Variants in MYPN observed in about 807,000 individuals in gnomAD.
MYPN encodes the protein myopalladin, also known as sarcomeric protein myopalladin, 145 kDa (MYOP).
In MYPN, 63 loss-of-function variants were observed where a neutral mutation model predicts 129.4. The ratio of observed to expected loss-of-function variants is 0.49; its 90% CI spans 0.40 to 0.60. The LOEUF (loss-of-function observed/expected upper bound fraction) is 0.60. Among genes scored for constraint, MYPN ranks in the 20% least tolerant of loss-of-function variants. The pLI, the probability that MYPN is intolerant of heterozygous loss-of-function variation, is 0.00. For synonymous variants in MYPN, 629 were observed against 600.9 expected, an observed-to-expected ratio of 1.05 and a Z score of -0.68; for missense variants, 1,596 against 1,635.4, an observed-to-expected ratio of 0.98 and a Z score of 0.42.
intron 9 of MYPN, 117 bp from the exon 10 acceptor site, chr10:68,166,177 T>G (rs2043050306): frequency 8.2e-7 from 1 of 1,217,564 alleles, no homozygotes; most frequent in Admixed American, 1.7e-5. Context: ...GATCTGTTTT[T>G]GACAAGCATT....
At chr10:68,137,757 GTT>G (rs963620220) in intron 2 of MYPN, among the ~76,000 whole-genome samples, 2 of 148,782 alleles carry the variant, frequency 1.3e-5, no homozygotes, top group Non-Finnish European at 3.0e-5. Flanking sequence ...AATACTGTCA[GTT>G]TTTTTTTTAC....
chr10:68,100,683 C>A (rs919776869), intron 1 of MYPN, among the ~76,000 whole-genome samples: 2 of 152,144 alleles, frequency 1.3e-5, no homozygotes, highest in South Asian at 2.1e-4. Flanking sequence ...CTCTTATTAG[C>A]ACCTGTGGAC....
chr10:68,167,273 T>G (rs1404904680), intron 10 of MYPN, among the ~76,000 whole-genome samples: 1 of 152,238 alleles, frequency 6.6e-6, no homozygotes, highest in African/African-American at 2.4e-5. Context: ...AAGACTTTTT[T>G]TGTGTCTAAT....
chr10:68,188,889 T>A lies in MYPN; in HGVS notation c.2704-16T>A. 1 of 1,609,072 alleles carries A rather than the reference T, an allele frequency of 6.2e-7. No homozygotes were observed. The highest frequency in any genetic ancestry group is 8.5e-7 in the Non-Finnish European group (1 of 1,176,408). On this transcript the variant is annotated splice_polypyrimidine_tract_variant and intron_variant, in intron 12 of 19. Coordinates refer to ENST00000358913, the MANE Select transcript of MYPN (RefSeq NM_032578.4). ...CTTGCCATATGGAAATTGAAACACG[T>A]TTGTCATTTTGACAGGAGTACAAAA...
intron 16 of MYPN, among the ~76,000 whole-genome samples, chr10:68,198,266 GA>G (rs906896815): frequency 2.6e-5 from 4 of 152,174 alleles, no homozygotes; most frequent in Non-Finnish European, 5.9e-5. Flanking sequence ...TGTGGCCTTT[GA>G]AAATTTATAG....
chr10:68,189,010 A>C lies in MYPN; in HGVS notation c.2809A>C (p.Ile937Leu), dbSNP rs756938017. 1 of 1,614,144 alleles carries C rather than the reference A, an allele frequency of 6.2e-7. No individual in the cohort carries two copies. The highest frequency in any genetic ancestry group is 2.2e-5 in the East Asian group (1 of 44,874). Residue 937 changes from isoleucine (I) to leucine (L), a missense_variant, in exon 13 of 20, where the codon ATC becomes CTC. Coordinates refer to ENST00000358913, the MANE Select transcript of MYPN (RefSeq NM_032578.4). Reference sequence around the variant, plus strand: ...AGATGATGAAATTCAACATGATGAGATCCCCACGGGCAAGTGTATTGCTCC... The same window carrying C: ...AGATGATGAAATTCAACATGATGAGCTCCCCACGGGCAAGTGTATTGCTCC... ...ESDDEIQHDE[I>L]PTGKCIAPIF...
chr10:68,188,055 G>C (rs979731198), intron 12 of MYPN, among the ~76,000 whole-genome samples: 12 of 150,058 alleles, frequency 8.0e-5, no homozygotes, highest in East Asian at 3.9e-4. Flanking sequence ...TTGTTGTGAG[G>C]GGGGCAGAGA....
chr10:68,178,004 C>T (rs1178164198), intron 12 of MYPN, among the ~76,000 whole-genome samples: 1 of 152,158 alleles, frequency 6.6e-6, no homozygotes, highest in Admixed American at 6.5e-5. Context: ...ATATTACTGA[C>T]TATAAACAAT....
intron 17 of MYPN, 93 bp downstream of exon 17, chr10:68,199,668 C>A: frequency 7.9e-7 from 1 of 1,262,678 alleles, no homozygotes; most frequent in Non-Finnish European, 1.1e-6. Flanking sequence ...TCATCCTTTG[C>A]CCTACTAACT....
At chr10:68,156,301 C>T (rs927491921) in intron 6 of MYPN, among the ~76,000 whole-genome samples, 2 of 152,088 alleles carry the variant, frequency 1.3e-5, no homozygotes, top group African/African-American at 4.8e-5. Flanking sequence ...CCCAAAGCTG[C>T]CATTTGAGCA....
At position 68,121,767 on chromosome 10, in the gene MYPN, A is replaced by C. The variant is rs1060503575; in HGVS notation, c.329A>C (p.Asn110Thr). The C allele has an allele frequency of 6.2e-7, 1 of 1,614,250 alleles. No homozygotes were observed. Among genetic ancestry groups the C allele is most frequent in the Non-Finnish European group, 8.5e-7 (1 of 1,180,052 alleles). ...LSPDQMKHSP[N>T]LSFEPNFCQD... ...CCTGATCAGATGAAACACTCACCTA[A>C]TTTAAGTTTTGAGCCTAACTTCTGC... The change falls in exon 2 of 20, where the codon AAT becomes ACT. Residue 110 changes from asparagine to threonine, a missense_variant. Asn to Thr is a moderately conservative substitution (Grantham distance 65). Coordinates refer to ENST00000358913, the MANE Select transcript of MYPN (RefSeq NM_032578.4).
intron 1 of MYPN, among the ~76,000 whole-genome samples, chr10:68,097,193 T>G (rs925170767): frequency 5.3e-5 from 8 of 152,226 alleles, no homozygotes; most frequent in Admixed American, 4.6e-4. Flanking sequence ...TGATTACTAT[T>G]GGTGCTCTGT....
chr10:68,157,631 T>C (rs1238353783), intron 6 of MYPN, among the ~76,000 whole-genome samples: 1 of 144,966 alleles, frequency 6.9e-6, no homozygotes, highest in African/African-American at 2.6e-5. Context: ...CCCAGAAGTT[T>C]GACATCAGAT....
At chr10:68,088,859 G>A (rs2041918315) in intron 1 of MYPN, among the ~76,000 whole-genome samples, 1 of 152,104 alleles carries the variant, frequency 6.6e-6, no homozygotes, top group African/African-American at 2.4e-5. Context: ...AACAATTTTA[G>A]AACATTTGTA....
intron 10 of MYPN, among the ~76,000 whole-genome samples, chr10:68,172,809 G>A (rs1346235233): frequency 4.0e-5 from 6 of 151,864 alleles, no homozygotes; most frequent in Non-Finnish European, 5.9e-5. Flanking sequence ...ACGGTGGCTC[G>A]CGCCTGTAAT....
chr10:68,174,287 C>T lies in MYPN; in HGVS notation c.2195C>T (p.Thr732Ile), dbSNP rs767017359. The T allele has an allele frequency of 1.9e-6, 3 of 1,614,046 alleles. No homozygotes were observed. Among genetic ancestry groups the T allele is most frequent in the Non-Finnish European group, 2.5e-6 (3 of 1,180,042 alleles). The stretch of plus-strand genomic sequence containing the variant: ...AAGTATTTCTTCCCCTCCACGAACA[C>T]CACCGCAGCAACTGTGGCCCCTTCC... ...RPKYFFPSTN[T>I]TAATVAPSSS... Residue 732 changes from threonine (T) to isoleucine (I), a missense_variant, in exon 11 of 20, where the codon ACC becomes ATC. Transcript: ENST00000358913.
intron 10 of MYPN, among the ~76,000 whole-genome samples, chr10:68,168,603 A>T (rs2043090120): frequency 6.6e-6 from 1 of 152,160 alleles, no homozygotes; most frequent in Non-Finnish European, 1.5e-5. Flanking sequence ...ACAAGAAGAC[A>T]AACATTGGTT....
At chr10:68,108,443 T>C (rs2042038725), upstream of MYPN, among the ~76,000 whole-genome samples, 1 of 152,224 alleles carries the variant, frequency 6.6e-6, no homozygotes, top group Admixed American at 6.5e-5. Flanking sequence ...CAGTACCTGG[T>C]ACACAGTAGG....
rs770366905 is a variant in MYPN, at chr10:68,158,604, C to G, written c.1436C>G (p.Pro479Arg). Residue 479 changes from proline to arginine, a missense_variant, in exon 7 of 20, where the codon CCA (proline) becomes CGA (arginine). Transcript: ENST00000358913. The part of the protein sequence containing the change: ...YREGTLIEDS[P>R]DFRILQKKPR... ...GAAGGGACTTTAATAGAAGATTCTC[C>G]AGATTTTAGGATTTTACAGAAAAGT... 30 of 1,597,490 alleles carry G rather than the reference C, an allele frequency of 1.9e-5. No individual in the cohort carries two copies. The highest frequency in any genetic ancestry group is 2.6e-5 in the Non-Finnish European group (30 of 1,165,574).
Sources: gnomAD v4.1 joint callset for allele counts (sites outside exome capture counted in the v4.1 genomes callset) on GRCh38, gnomAD v4.1.1 for gene constraint, MANE v1.5 for transcripts, NCBI Gene and HGNC (gene_info 2026-07-23, HGNC 2026-07-21) for gene names.